Variants in NPAS3 observed in about 807,000 individuals in gnomAD.
The protein encoded by NPAS3 is neuronal PAS domain protein 3.
In NPAS3, 14 loss-of-function variants were observed where a neutral mutation model predicts 73.1. The ratio of observed to expected loss-of-function variants is 0.19; its 90% CI spans 0.13 to 0.30. The LOEUF (loss-of-function observed/expected upper bound fraction) is 0.30, where lower values mean the gene tolerates loss of function less well. NPAS3 is among the 10% of genes least tolerant of loss of function. The pLI is 1.00. For synonymous variants in NPAS3, 620 were observed against 541.5 expected (o/e 1.14, Z -2.01); for missense variants, 1,096 against 1,250.0 (o/e 0.88, Z 1.86).
At chr14:32,973,611 C>T (rs943177511) in intron 1 of NPAS3, among the ~76,000 whole-genome samples, 1 of 149,536 alleles carries the variant, frequency 6.7e-6, no homozygotes, top group Non-Finnish European at 1.5e-5. Flanking sequence ...TCTTGGCTCA[C>T]TGCAACCTCC....
At chr14:33,713,593 G>A (rs1180537709) in intron 6 of NPAS3, among the ~76,000 whole-genome samples, 3 of 152,206 alleles carry the variant, frequency 2.0e-5, no homozygotes, top group Non-Finnish European at 2.9e-5. Flanking sequence ...AGCATGTGCT[G>A]TCAGCTGTTG....
At chr14:33,089,526 G>A (rs1382867970) in intron 2 of NPAS3, among the ~76,000 whole-genome samples, 3 of 152,318 alleles carry the variant, frequency 2.0e-5, no homozygotes, top group Non-Finnish European at 2.9e-5. Context: ...CATCTGATTG[G>A]TGTACCTGAA....
At chr14:33,126,130 C>T (rs975770339) in intron 2 of NPAS3, among the ~76,000 whole-genome samples, 1 of 152,198 alleles carries the variant, frequency 6.6e-6, no homozygotes, top group African/African-American at 2.4e-5. Context: ...GTCCTCTCTA[C>T]TGGTGGTGCA....
At chr14:33,255,846 A>C (rs2048760990) in intron 3 of NPAS3, among the ~76,000 whole-genome samples, 1 of 152,172 alleles carries the variant, frequency 6.6e-6, no homozygotes, top group South Asian at 2.1e-4. Flanking sequence ...ACACCAGGAG[A>C]GAGTCTCGTA....
intron 3 of NPAS3, among the ~76,000 whole-genome samples, chr14:33,237,470 G>C (rs749687109): frequency 1.3e-5 from 2 of 152,012 alleles, no homozygotes; most frequent in South Asian, 4.1e-4. Context: ...CTGTGGATGT[G>C]GGATGTTTCA....
chr14:33,497,910 C>T (rs1356091862), intron 4 of NPAS3, among the ~76,000 whole-genome samples: 3 of 152,068 alleles, frequency 2.0e-5, no homozygotes, highest in African/African-American at 2.4e-5. Context: ...GAACAGGCAA[C>T]CTACAGAATG....
At chr14:33,315,705 T>G (rs1446454600) in intron 3 of NPAS3, among the ~76,000 whole-genome samples, 3 of 151,980 alleles carry the variant, frequency 2.0e-5, no homozygotes, top group African/African-American at 7.2e-5. Context: ...GAGTTCATCT[T>G]CAGGGGAATG....
At chr14:33,267,726 T>C (rs2040879550) in intron 3 of NPAS3, among the ~76,000 whole-genome samples, 1 of 152,192 alleles carries the variant, frequency 6.6e-6, no homozygotes, top group Admixed American at 6.5e-5. Flanking sequence ...ACTGACTAGA[T>C]TGTAACCACC....
At chr14:33,453,389 G>T (rs1220757030) in intron 4 of NPAS3, among the ~76,000 whole-genome samples, 1 of 152,172 alleles carries the variant, frequency 6.6e-6, no homozygotes, top group Non-Finnish European at 1.5e-5. Flanking sequence ...GGTTGTTTCT[G>T]CATGTGTCAC....
intron 4 of NPAS3, among the ~76,000 whole-genome samples, chr14:33,523,806 G>C (rs2140121531): frequency 6.6e-6 from 1 of 152,078 alleles, no homozygotes; most frequent in South Asian, 2.1e-4. Flanking sequence ...TGGCTAAGGA[G>C]AGTCCAGCAA....
chr14:33,416,060 G>A (rs1398491805), intron 4 of NPAS3, among the ~76,000 whole-genome samples: 2 of 152,034 alleles, frequency 1.3e-5, no homozygotes, highest in African/African-American at 4.8e-5. Flanking sequence ...TACCTCTGCA[G>A]GAAAACCTCC....
chr14:33,414,179 C>T (rs907668449), intron 4 of NPAS3, among the ~76,000 whole-genome samples: 11 of 152,090 alleles, frequency 7.2e-5, no homozygotes, highest in African/African-American at 2.4e-4. Flanking sequence ...TAGGAAGGAA[C>T]GGAGGCATGA....
At chr14:33,224,358 G>A (rs2047543563) in intron 3 of NPAS3, among the ~76,000 whole-genome samples, 2 of 152,064 alleles carry the variant, frequency 1.3e-5, no homozygotes, top group Non-Finnish European at 2.9e-5. Flanking sequence ...TTTCAGAAAT[G>A]GCTTTCTGGA....
At chr14:33,684,545 G>A (rs543818629) in intron 6 of NPAS3, among the ~76,000 whole-genome samples, 33 of 152,186 alleles carry the variant, frequency 2.2e-4, no homozygotes, top group Admixed American at 1.2e-3. Flanking sequence ...TGATCTGCCC[G>A]CCTCGGCCTC....
chr14:33,506,852 T>C (rs2052789779), intron 4 of NPAS3, among the ~76,000 whole-genome samples: 1 of 152,072 alleles, frequency 6.6e-6, no homozygotes, highest in African/African-American at 2.4e-5. Context: ...TGTTTTCTAT[T>C]TATTTTTCTC....
chr14:33,381,585 A>AT (rs2046556214), intron 4 of NPAS3, among the ~76,000 whole-genome samples: 1 of 152,188 alleles, frequency 6.6e-6, no homozygotes, highest in Non-Finnish European at 1.5e-5. Flanking sequence ...TTAAGGTCCC[A>AT]TGGCTATTAG....
At chr14:33,644,583 A>ATCTT (rs1392755705) in intron 5 of NPAS3, among the ~76,000 whole-genome samples, 5 of 152,152 alleles carry the variant, frequency 3.3e-5, no homozygotes, top group African/African-American at 1.2e-4. Context: ...AGGTAGTGTC[A>ATCTT]TCTTTATTTC....
chr14:33,092,091 A>G (rs972630403), intron 2 of NPAS3, among the ~76,000 whole-genome samples: 2 of 152,164 alleles, frequency 1.3e-5, no homozygotes, highest in Non-Finnish European at 2.9e-5. Flanking sequence ...CACCACTCCT[A>G]TTCAACATAG....
At chr14:33,221,963 C>T (rs1012093568) in intron 3 of NPAS3, among the ~76,000 whole-genome samples, 4 of 151,946 alleles carry the variant, frequency 2.6e-5, no homozygotes, top group East Asian at 1.9e-4. Flanking sequence ...CACATGGGAG[C>T]GCTCAGAAAT....
Sources: allele counts gnomAD v4.1 joint callset (sites outside exome capture counted in the v4.1 genomes callset), GRCh38; gene constraint gnomAD v4.1.1; transcripts MANE v1.5; gene names NCBI Gene and HGNC (gene_info 2026-07-23, HGNC 2026-07-21).